Variants in DYNC2LI1 observed in about 807,000 individuals in gnomAD.
DYNC2LI1 encodes dynein cytoplasmic 2 light intermediate chain 1.
Under a neutral mutation model 51.9 loss-of-function variants are expected in DYNC2LI1, and 45 were observed. That is an observed-to-expected ratio of 0.87 (90% confidence interval 0.68 to 1.11). DYNC2LI1 has a LOEUF of 1.11. Ranked by LOEUF, DYNC2LI1 falls within the 50% of genes most tolerant of loss-of-function variation. The pLI is 0.00. For synonymous variants in DYNC2LI1, 130 were observed against 137.8 expected, an observed-to-expected ratio of 0.94 and a Z score of 0.40; for missense variants, 490 against 417.4, an observed-to-expected ratio of 1.17 and a Z score of -1.51.
chr2:43,784,346 C>T (rs1673422302), intron 3 of DYNC2LI1, among the ~76,000 whole-genome samples: 1 of 152,174 alleles, frequency 6.6e-6, no homozygotes, highest in East Asian at 1.9e-4. Flanking sequence ...CACATTTAGA[C>T]GTTTCCTGTC....
intron 2 of DYNC2LI1, among the ~76,000 whole-genome samples, chr2:43,780,814 C>T (rs996364308): frequency 1.3e-5 from 2 of 151,798 alleles, no homozygotes; most frequent in Non-Finnish European, 2.9e-5. Context: ...ACATCTGGGG[C>T]GATTGAGGCA....
the DYNC2LI1 span, among the ~76,000 whole-genome samples, chr2:43,816,381 A>G: frequency 6.6e-6 from 1 of 152,212 alleles, no homozygotes; most frequent in Non-Finnish European, 1.5e-5. Flanking sequence ...GGGCCTTCAA[A>G]GAGAGTGCGC....
chr2:43,817,756 A>G, the DYNC2LI1 span, among the ~76,000 whole-genome samples: 1 of 152,024 alleles, frequency 6.6e-6, no homozygotes, highest in Non-Finnish European at 1.5e-5. Flanking sequence ...CTAAAAATAC[A>G]AAAATTAGCC....
intron 12 of DYNC2LI1, among the ~76,000 whole-genome samples, chr2:43,807,768 A>C (rs1169208986): frequency 6.6e-6 from 1 of 150,408 alleles, no homozygotes; most frequent in African/African-American, 2.5e-5. Flanking sequence ...AAAAAAAAAA[A>C]AAAAAGGTTA....
At chr2:43,789,842 C>A in intron 5 of DYNC2LI1, 121 bp downstream of exon 5, 1 of 725,364 alleles carries the variant, frequency 1.4e-6, no homozygotes, top group African/African-American at 1.8e-5. Flanking sequence ...AGGCTTATGC[C>A]CACTTCCTTT....
intron 12 of DYNC2LI1, among the ~76,000 whole-genome samples, chr2:43,807,879 C>T (rs896331566): frequency 2.6e-5 from 4 of 151,516 alleles, no homozygotes; most frequent in African/African-American, 9.7e-5. Context: ...ATTTTGAGGC[C>T]GTATCATTGT....
chr2:43,828,307 G>A, the DYNC2LI1 span: 292,999 of 739,586 alleles, frequency 0.4, 64,158 homozygotes, highest in East Asian at 0.8. Flanking sequence ...CGTAATACAT[G>A]TGTCAGATTT....
the DYNC2LI1 span, among the ~76,000 whole-genome samples, chr2:43,821,199 A>G: frequency 3.3e-5 from 5 of 152,174 alleles, no homozygotes; most frequent in African/African-American, 1.2e-4. Context: ...TGCTTATGCT[A>G]TCAATGCCGT....
the DYNC2LI1 span, among the ~76,000 whole-genome samples, chr2:43,821,226 C>A: frequency 6.6e-6 from 1 of 152,136 alleles, no homozygotes; most frequent in Non-Finnish European, 1.5e-5. Flanking sequence ...TTGTTGTCTT[C>A]TGTGATGTTT....
the DYNC2LI1 span, chr2:43,824,883 A>G: frequency 1.2e-6 from 2 of 1,613,894 alleles, no homozygotes; most frequent in Non-Finnish European, 8.5e-7. Flanking sequence ...TGAAAGAAAA[A>G]CTTACTATAG....
chr2:43,826,488 A>G, the DYNC2LI1 span: 1 of 1,614,222 alleles, frequency 6.2e-7, no homozygotes, highest in East Asian at 2.2e-5. Context: ...CATGCAGTCC[A>G]GGCCTGTGGT....
At chr2:43,774,640 C>G (rs1190770394) in intron 1 of DYNC2LI1, among the ~76,000 whole-genome samples, 1 of 152,200 alleles carries the variant, frequency 6.6e-6, no homozygotes, top group African/African-American at 2.4e-5. Context: ...ATTACCTGTT[C>G]ACAAGATATT....
downstream of DYNC2LI1, chr2:43,810,139 C>A: frequency 2.8e-6 from 1 of 357,362 alleles, no homozygotes; most frequent in Non-Finnish European, 3.9e-6. Context: ...TAGACACATT[C>A]TTTCTAAAAG....
intron 10 of DYNC2LI1, among the ~76,000 whole-genome samples, chr2:43,802,986 C>A (rs187264747): frequency 2.6e-5 from 4 of 152,040 alleles, no homozygotes; most frequent in African/African-American, 9.7e-5. Context: ...ATACATTTAA[C>A]AGGATAGCTA....
chr2:43,809,606 A>T, intron 12 of DYNC2LI1, 99 bp from the exon 13 acceptor site: 2 of 753,678 alleles, frequency 2.7e-6, no homozygotes, highest in Non-Finnish European at 4.5e-6. Context: ...GCTACTAAGG[A>T]TTCATTGATA....
chr2:43,822,633 T>C, the DYNC2LI1 span: 1 of 983,856 alleles, frequency 1.0e-6, no homozygotes, highest in Non-Finnish European at 1.2e-6. Context: ...CTATTTACAA[T>C]AAAATTAATG....
chr2:43,787,418 C>A (rs1673576320), intron 4 of DYNC2LI1, among the ~76,000 whole-genome samples, 168 bp downstream of exon 4: 1 of 152,188 alleles, frequency 6.6e-6, no homozygotes. Context: ...TAGAAGCCAA[C>A]CCAAACTGTG....
chr2:43,780,754 A>C (rs1236168779), intron 2 of DYNC2LI1, among the ~76,000 whole-genome samples: 1 of 152,086 alleles, frequency 6.6e-6, no homozygotes, highest in Non-Finnish European at 1.5e-5. Context: ...ATGTTTACAG[A>C]GTTAGGAAAT....
At chr2:43,804,194 G>GT (rs1355577672) in intron 10 of DYNC2LI1, among the ~76,000 whole-genome samples, 1 of 152,140 alleles carries the variant, frequency 6.6e-6, no homozygotes. Context: ...CTGTTGGATA[G>GT]TGTTACAGAG....
Sources: allele counts gnomAD v4.1 joint callset (sites outside exome capture counted in the v4.1 genomes callset), GRCh38; gene constraint gnomAD v4.1.1; transcripts MANE v1.5; gene names NCBI Gene and HGNC (gene_info 2026-07-23, HGNC 2026-07-21).